ZNF423: variants seen among roughly 807,000 people sequenced by gnomAD.
ZNF423 encodes zinc finger protein 423.
Under a neutral mutation model 95.8 loss-of-function variants are expected in ZNF423, and 12 were observed. That is an observed-to-expected ratio of 0.13 (90% confidence interval 0.08 to 0.20). The LOEUF is 0.20. Ranked by LOEUF, ZNF423 falls within the 10% of genes least tolerant of loss-of-function variation. ZNF423 has a pLI of 1.00. For missense variants in ZNF423, 1,316 were observed against 1,737.1 expected, an observed-to-expected ratio of 0.76 and a Z score of 4.31; for synonymous variants, 749 against 711.9, an observed-to-expected ratio of 1.05 and a Z score of -0.83.
At chr16:49,552,462 G>T (rs1969677678) in intron 5 of ZNF423, among the ~76,000 whole-genome samples, 1 of 152,172 alleles carries the variant, frequency 6.6e-6, no homozygotes, top group African/African-American at 2.4e-5. Context: ...AGCCCCTGCA[G>T]CTGTCCCCAA....
chr16:49,654,162 G>T (rs1375677658), intron 3 of ZNF423, among the ~76,000 whole-genome samples: 1 of 152,180 alleles, frequency 6.6e-6, no homozygotes. Context: ...AAGCCATCAA[G>T]ACCACCCACT....
At chr16:49,691,106 C>A (rs2031763339) in intron 3 of ZNF423, among the ~76,000 whole-genome samples, 1 of 152,200 alleles carries the variant, frequency 6.6e-6, no homozygotes, top group South Asian at 2.1e-4. Context: ...ATCAGCCGAC[C>A]AGGGCAGAGG....
intron 3 of ZNF423, among the ~76,000 whole-genome samples, chr16:49,706,698 A>G (rs1279457642): frequency 2.0e-5 from 3 of 152,244 alleles, no homozygotes; most frequent in African/African-American, 7.2e-5. Context: ...AGGTCACTTC[A>G]GTGAGATTTA....
intron 7 of ZNF423, among the ~76,000 whole-genome samples, chr16:49,500,437 AG>A (rs912534290): frequency 6.6e-6 from 1 of 152,192 alleles, no homozygotes; most frequent in Non-Finnish European, 1.5e-5. Flanking sequence ...GCTTGAAACC[AG>A]GCCCCCGTGG....
At chr16:49,720,054 G>A (rs1423465634) in intron 3 of ZNF423, among the ~76,000 whole-genome samples, 2 of 152,070 alleles carry the variant, frequency 1.3e-5, no homozygotes, top group South Asian at 2.1e-4. Flanking sequence ...TGGATGCCAC[G>A]AGGGCTTGAC....
At chr16:49,687,190 G>A (rs1018364365) in intron 3 of ZNF423, among the ~76,000 whole-genome samples, 4 of 151,560 alleles carry the variant, frequency 2.6e-5, no homozygotes, top group Non-Finnish European at 4.4e-5. Flanking sequence ...CTCCCAGGGC[G>A]CCACCAAGAG....
At chr16:49,687,653 C>A (rs1002906793) in intron 3 of ZNF423, among the ~76,000 whole-genome samples, 1 of 152,142 alleles carries the variant, frequency 6.6e-6, no homozygotes, top group African/African-American at 2.4e-5. Flanking sequence ...AAATGAGGAA[C>A]CAGGGGGGCC....
chr16:49,637,950 C>A lies in ZNF423; in HGVS notation c.1226G>T (p.Gly409Val). 6.2e-7 allele frequency: 1 copy of A among 1,614,154 alleles called. No homozygotes were observed. The highest frequency in any genetic ancestry group is 8.5e-7 in the Non-Finnish European group (1 of 1,180,044). The change falls in exon 4 of 8, where the codon GGG (glycine) becomes GTG (valine). Residue 409 changes from glycine (G) to valine (V), a missense_variant. Around this residue, in one of 6 missense-constraint regions of ZNF423, gnomAD observed 399 missense variants for 478.5 expected, o/e 0.83. Coordinates refer to ENST00000563137, the MANE Select transcript of ZNF423 (RefSeq NM_001379286.1). This position sits in a 1 kb window ranked among gnomAD's most constrained non-coding sequence, Gnocchi z 5.6. ...LRGQKKMRDD[G>V]QGWTKVVYSC... is the part of the protein sequence containing the mutation. The stretch of plus-strand genomic sequence containing the variant: ...ATAGACCACCTTGGTCCAGCCCTGC[C>A]CGTCATCCCGCATCTTCTTCTGCCC...
intron 2 of ZNF423, among the ~76,000 whole-genome samples, chr16:49,735,564 C>T (rs2033265659): frequency 6.6e-6 from 1 of 152,220 alleles, no homozygotes; most frequent in Non-Finnish European, 1.5e-5. Flanking sequence ...TGGCCAGACT[C>T]AGTGGCTCCT....
intron 1 of ZNF423, among the ~76,000 whole-genome samples, chr16:49,853,302 G>A (rs964372621): frequency 1.0e-5 from 1 of 97,952 alleles, no homozygotes; most frequent in South Asian, 2.9e-4. Context: ...GGGGCGGGGC[G>A]GGGGGGGAGC....
chr16:49,764,175 G>A (rs554917072), intron 2 of ZNF423, among the ~76,000 whole-genome samples: 152 of 152,252 alleles, frequency 1.0e-3, no homozygotes, highest in Middle Eastern at 3.4e-3. Flanking sequence ...AGGACCCCTC[G>A]CTCCCATGCC....
intron 1 of ZNF423, among the ~76,000 whole-genome samples, chr16:49,801,977 T>C (rs1039614572): frequency 6.6e-6 from 1 of 152,050 alleles, no homozygotes; most frequent in Non-Finnish European, 1.5e-5. Context: ...GCCCCCCAAG[T>C]AGCTGAGACT....
intron 2 of ZNF423, among the ~76,000 whole-genome samples, chr16:49,740,962 G>A (rs1331062247): frequency 1.3e-5 from 2 of 152,270 alleles, no homozygotes; most frequent in Middle Eastern, 3.4e-3. Context: ...TCAGGGAGAC[G>A]TTACCACCAG....
chr16:49,615,161 C>CACACACACACACACACACAT (rs1363843173), intron 5 of ZNF423, among the ~76,000 whole-genome samples: 2 of 151,752 alleles, frequency 1.3e-5, no homozygotes, highest in African/African-American at 4.8e-5. Flanking sequence ...CACACACACA[C>CACACACACACACACACACAT]ACACGGGGCA....
At chr16:49,692,675 T>G (rs78233425) in intron 3 of ZNF423, among the ~76,000 whole-genome samples, 5 of 152,250 alleles carry the variant, frequency 3.3e-5, no homozygotes, top group African/African-American at 9.6e-5. Flanking sequence ...GAAGCTACAA[T>G]CCTGGGTGGA....
intron 2 of ZNF423, among the ~76,000 whole-genome samples, chr16:49,743,204 T>C (rs574567616): frequency 6.6e-5 from 10 of 152,174 alleles, no homozygotes; most frequent in South Asian, 2.1e-4. Flanking sequence ...ACTGTCAAAA[T>C]AGAAAGTGTG....
chr16:49,668,200 C>T (rs917850320), intron 3 of ZNF423, among the ~76,000 whole-genome samples: 1 of 152,138 alleles, frequency 6.6e-6, no homozygotes, highest in Non-Finnish European at 1.5e-5. Context: ...GCCCCTACCC[C>T]CCACCCACCT....
intron 2 of ZNF423, among the ~76,000 whole-genome samples, chr16:49,765,323 C>T (rs12448158): frequency 0.16 from 24,370 of 152,142 alleles, 2,037 homozygotes; most frequent in South Asian, 0.26. Flanking sequence ...GTGGTGGTAG[C>T]TGCACTGAAA....
At chr16:49,602,293 C>A (rs1971398770) in intron 5 of ZNF423, among the ~76,000 whole-genome samples, 1 of 152,234 alleles carries the variant, frequency 6.6e-6, no homozygotes, top group Non-Finnish European at 1.5e-5. Flanking sequence ...CCTAATTGCC[C>A]ACACCCTCAG....
Sources: gnomAD v4.1 joint callset for allele counts (sites outside exome capture counted in the v4.1 genomes callset) on GRCh38, gnomAD v4.1.1 for gene constraint, gnomAD v4.1.1 regional missense constraint, Gnocchi (gnomAD v3.1) non-coding constraint, MANE v1.5 for transcripts, NCBI Gene and HGNC (gene_info 2026-07-23, HGNC 2026-07-21) for gene names.